Variants in TBCD observed in about 807,000 individuals in gnomAD.
The protein encoded by TBCD is tubulin folding cofactor D.
TBCD carries 105 observed loss-of-function variants against 169.3 expected under a neutral mutation model. That is an observed-to-expected ratio of 0.62 (90% CI 0.53 to 0.73). The LOEUF (loss-of-function observed/expected upper bound fraction) is 0.73, where lower values mean the gene tolerates loss of function less well. TBCD is among the 30% of genes least tolerant of loss of function. The pLI is 0.00. For missense variants in TBCD, 1,444 were observed against 1,600.1 expected, an observed-to-expected ratio of 0.90 and a Z score of 1.66; for synonymous variants, 700 against 643.9, an observed-to-expected ratio of 1.09 and a Z score of -1.32.
At chr17:82,887,977 T>G (rs186725200) in intron 15 of TBCD, among the ~76,000 whole-genome samples, 3 of 152,354 alleles carry the variant, frequency 2.0e-5, no homozygotes, top group Non-Finnish European at 4.4e-5. Flanking sequence ...TCTTTACATA[T>G]GTAGGATTCT....
chr17:82,848,007 T>C (rs1459851068), intron 13 of TBCD, among the ~76,000 whole-genome samples: 1 of 152,224 alleles, frequency 6.6e-6, no homozygotes. Flanking sequence ...GGCCCCTGTC[T>C]GTTGCCCCTT....
chr17:82,817,967 T>C (rs666380), intron 13 of TBCD, among the ~76,000 whole-genome samples: 2,346 of 152,282 alleles, frequency 0.015, 60 homozygotes, highest in African/African-American at 0.054. Context: ...TGTGTGAATG[T>C]GTAGCTGGGA....
intron 9 of TBCD, among the ~76,000 whole-genome samples, chr17:82,801,654 GCGT>G: frequency 1.0e-5 from 1 of 95,452 alleles, no homozygotes; most frequent in Non-Finnish European, 2.3e-5. Context: ...GGCGGCGTGT[GCGT>G]TGTGTGGGTC....
At chr17:82,771,362 A>T (rs545925203) in intron 5 of TBCD, among the ~76,000 whole-genome samples, 20 of 152,142 alleles carry the variant, frequency 1.3e-4, no homozygotes, top group Admixed American at 1.3e-3. Context: ...CTTTGGTCCC[A>T]GCTATTCTGG....
intron 2 of TBCD, among the ~76,000 whole-genome samples, chr17:82,761,120 A>G (rs1322604111): frequency 6.6e-6 from 1 of 151,972 alleles, no homozygotes; most frequent in East Asian, 1.9e-4. Flanking sequence ...CTGTAAAATT[A>G]GCCTGGCCAA....
At chr17:82,859,954 C>T (rs768757746) in intron 13 of TBCD, 108 of 924,478 alleles carry the variant, frequency 1.2e-4, no homozygotes, top group Non-Finnish European at 1.4e-4. Flanking sequence ...GCCTGGGCCT[C>T]GTGGTCCTGC....
In TBCD at chr17:82,937,335, C is replaced by T. The variant is rs769857214; in HGVS notation, c.3256C>T (p.Gln1086Ter). 1.2e-6 allele frequency: 2 copies of T among 1,614,008 alleles called. No individual in the cohort carries two copies. Among genetic ancestry groups the T allele is most frequent in the Admixed American group, 3.3e-5 (2 of 60,024 alleles). ...AGAAATCAAGAATTCAAAAGATATC[C>T]AGAAGCTCCTGTCAGGCATCGCAGT... ...KKEIKNSKDIQKLLSGIAVFC... is the reference protein window; with the variant it reads ...KKEIKNSKDI Residue 1086 changes from glutamine to a stop codon, truncating the protein, a stop_gained, in exon 35 of 39, where the codon CAG becomes TAG. Coordinates refer to ENST00000355528, the MANE Select transcript of TBCD (RefSeq NM_005993.5). LOFTEE classifies it high-confidence loss of function.
In TBCD at chr17:82,835,825, G is replaced by C. The variant is rs56144401; in HGVS notation, c.1318+20891G>C. 5.9e-3 allele frequency among the ~76,000 whole-genome samples: 905 copies of C among 152,308 alleles called. 8 individuals are homozygous for C. The highest frequency in any genetic ancestry group is 0.02 in the African/African-American group (849 of 41,556). On this transcript the variant is annotated intron_variant, in intron 13 of 38. Coordinates refer to ENST00000355528, the MANE Select transcript of TBCD (RefSeq NM_005993.5). The surrounding 1 kb of genome is among the most constrained non-coding windows in gnomAD (Gnocchi z 4.5). ...TTAAGACATTTATTTACTAAGAAGT[G>C]GTTTGGGTAGAAAAGGGGCTCTGCT...
At chr17:82,916,316 C>T (rs1455246813) in intron 23 of TBCD, among the ~76,000 whole-genome samples, 4 of 152,090 alleles carry the variant, frequency 2.6e-5, no homozygotes, top group Non-Finnish European at 4.4e-5. Flanking sequence ...GCGATCTCGG[C>T]TCACTGCAGC....
chr17:82,892,380 A>G (rs768701347), intron 16 of TBCD, among the ~76,000 whole-genome samples: 4 of 151,940 alleles, frequency 2.6e-5, no homozygotes, highest in Non-Finnish European at 5.9e-5. Context: ...TCCCCTGTTC[A>G]CGGTTCAGTG....
chr17:82,793,737 T>C (rs2049907284), intron 7 of TBCD, among the ~76,000 whole-genome samples: 1 of 152,222 alleles, frequency 6.6e-6, no homozygotes, highest in African/African-American at 2.4e-5. Context: ...GTGCCTGTCC[T>C]GTGGCCCCTC....
chr17:82,793,307 A>T (rs148405613), intron 7 of TBCD, among the ~76,000 whole-genome samples: 1,523 of 152,236 alleles, frequency 0.01, 21 homozygotes, highest in African/African-American at 0.035. Context: ...TGTCCCCACC[A>T]GTGCCCCCTA....
chr17:82,770,921 C>T (rs2048274146), intron 5 of TBCD, among the ~76,000 whole-genome samples: 1 of 151,870 alleles, frequency 6.6e-6, no homozygotes. Flanking sequence ...CAACTGTTCT[C>T]TTACAAATGA....
intron 13 of TBCD, among the ~76,000 whole-genome samples, chr17:82,862,855 A>G (rs12452622): frequency 1.3e-5 from 2 of 152,188 alleles, no homozygotes; most frequent in Admixed American, 1.3e-4. Context: ...CATTCCGTTA[A>G]GTAGGGCCAG....
At chr17:82,758,281 G>A (rs923702466) in intron 2 of TBCD, among the ~76,000 whole-genome samples, 1 of 147,028 alleles carries the variant, frequency 6.8e-6, no homozygotes, top group Admixed American at 7.0e-5. Context: ...AGCTACTTGG[G>A]GCTGAAGCAG....
chr17:82,942,263 C>T (rs1414756757), intron 38 of TBCD, 186 bp from the exon 39 acceptor site: 1 of 715,632 alleles, frequency 1.4e-6, no homozygotes, highest in Non-Finnish European at 2.3e-6. Context: ...CTTCCGAGGA[C>T]ACGTTAGTCA....
chr17:82,920,613 T>C lies in TBCD; in HGVS notation c.2096T>C (p.Val699Ala), dbSNP rs1286740611. 2 of 1,551,096 alleles carry C rather than the reference T, an allele frequency of 1.3e-6. No individual in the cohort carries two copies. The highest frequency in any genetic ancestry group is 2.4e-5 in the East Asian group (1 of 41,944). The change falls in exon 24 of 39, where the codon GTA (valine) becomes GCA (alanine). Residue 699 changes from valine (V) to alanine (A), a missense_variant. By Grantham distance (64) the Val-to-Ala change is moderately conservative (BLOSUM62 0). Transcript: ENST00000355528. The surrounding 1 kb of genome is among the most constrained non-coding windows in gnomAD (Gnocchi z 4.1). ...LSKMPFRGDT[V>A]IDGWQWLIND... ...AAAATGCCCTTTAGAGGTGACACCG[T>C]AATTGGTAAGTGCTTTTGTTTTTAA...
At chr17:82,881,702 G>A (rs1158055121) in intron 14 of TBCD, among the ~76,000 whole-genome samples, 2 of 152,224 alleles carry the variant, frequency 1.3e-5, no homozygotes, top group African/African-American at 4.8e-5. Flanking sequence ...GAGCTTGATT[G>A]GGGTGGAAAA....
intron 13 of TBCD, among the ~76,000 whole-genome samples, chr17:82,819,708 A>G (rs564029145): frequency 1.1e-3 from 173 of 152,230 alleles, no homozygotes; most frequent in Admixed American, 3.1e-3. Flanking sequence ...TTCTCTTTGC[A>G]TCATCACCTC....
Sources: gnomAD v4.1 joint callset for allele counts (sites outside exome capture counted in the v4.1 genomes callset) on GRCh38, gnomAD v4.1.1 for gene constraint, Gnocchi (gnomAD v3.1) non-coding constraint, MANE v1.5 for transcripts, NCBI Gene and HGNC (gene_info 2026-07-23, HGNC 2026-07-21) for gene names.